Variants in MMS22L observed in about 807,000 individuals in gnomAD.
MMS22L encodes the protein protein MMS22-like.
Under a neutral mutation model 159.1 loss-of-function variants are expected in MMS22L, and 74 were observed. The observed-to-expected ratio is 0.47, with a 90% CI of 0.39 to 0.56. The LOEUF is 0.56. MMS22L is among the 20% of genes least tolerant of loss of function. The probability of loss-of-function intolerance (pLI) is 0.00; values close to 1 mark genes in which losing one functional copy is unlikely to be tolerated. For synonymous variants in MMS22L, 517 were observed against 506.9 expected (o/e 1.02, Z -0.27); for missense variants, 1,351 against 1,422.1 (o/e 0.95, Z 0.80).
chr6:97,198,064 T>C (rs751422453), intron 14 of MMS22L, among the ~76,000 whole-genome samples: 4 of 152,162 alleles, frequency 2.6e-5, no homozygotes, highest in Non-Finnish European at 4.4e-5. Context: ...GACATGACAT[T>C]ATGTGGCTAT....
rs145684370 is a variant in MMS22L, at chr6:97,252,632, G to A, written c.1119+1925C>T. ...TATACTCCAGCCTGGGTGACAGAGT[G>A]AGACTCCATCTCAAAAAAAAAAAAA... On this transcript the variant is annotated intron_variant, in intron 10 of 24. Coordinates refer to ENST00000683635, the MANE Select transcript of MMS22L (RefSeq NM_001350599.2). Among the ~76,000 whole-genome samples, 725 of 147,166 alleles carry A rather than the reference G, an allele frequency of 4.9e-3. 6 individuals are homozygous for A. The highest frequency in any genetic ancestry group is 0.017 in the African/African-American group (678 of 39,810).
Position 97,269,510 on chromosome 6 carries a change from C to A in MMS22L, c.697+392G>T, listed in dbSNP as rs753221733. ...AGTAACTTCAATGTTTAAAAATAGG[C>A]ATGGCTAAATATAGTAGAACCATAA... On this transcript the variant is annotated intron_variant, in intron 7 of 24. Transcript: ENST00000683635. 3.8e-4 allele frequency among the ~76,000 whole-genome samples: 58 copies of A among 152,182 alleles called. 1 individual carries two copies. In the Middle Eastern group the frequency reaches 0.017, roughly 45 times the overall value.
At chr6:97,279,878 T>C (rs980929496) in intron 3 of MMS22L, among the ~76,000 whole-genome samples, 4 of 152,020 alleles carry the variant, frequency 2.6e-5, no homozygotes, top group Admixed American at 1.3e-4. Flanking sequence ...AGTTATACAA[T>C]AGAAGTTCAA....
At chr6:97,277,417 A>AAAT (rs1024262172) in intron 4 of MMS22L, among the ~76,000 whole-genome samples, 3 of 151,970 alleles carry the variant, frequency 2.0e-5, no homozygotes, top group African/African-American at 7.3e-5. Context: ...CCATCTCAAA[A>AAAT]AATAATAATA....
At chr6:97,195,771 C>G (rs17057497) in intron 14 of MMS22L, among the ~76,000 whole-genome samples, 4,126 of 152,160 alleles carry the variant, frequency 0.027, 339 homozygotes, top group East Asian at 0.25. Flanking sequence ...TAATGGCAAA[C>G]AGAATGGGTC....
intron 14 of MMS22L, among the ~76,000 whole-genome samples, chr6:97,215,114 A>ATATATATATATATATATTTT (rs1209431095): frequency 1.1e-5 from 1 of 87,190 alleles, no homozygotes; most frequent in African/African-American, 3.5e-5. Flanking sequence ...ATATATATAT[A>ATATATATATATATATATTTT]TTTTTTTTTT....
intron 8 of MMS22L, chr6:97,267,021 A>G (rs1815194157): frequency 6.6e-6 from 1 of 152,190 alleles, no homozygotes; most frequent in Admixed American, 6.5e-5. Flanking sequence ...GAGATAATAC[A>G]TATGCTAATT....
intron 14 of MMS22L, among the ~76,000 whole-genome samples, chr6:97,219,825 A>G (rs564515887): frequency 6.6e-6 from 1 of 152,326 alleles, no homozygotes; most frequent in Admixed American, 6.5e-5. Flanking sequence ...TGCCTGGAAT[A>G]CTGGCTCCTC....
rs1182902833 is a variant in MMS22L at position 97,254,664 on chromosome 6, A to G, written c.1012T>C (p.Ser338Pro). 6.2e-7 allele frequency: 1 copy of G among 1,613,078 alleles called. No homozygotes were observed. Among genetic ancestry groups the G allele is most frequent in the Admixed American group, 1.7e-5 (1 of 59,834 alleles). Reference protein sequence around the residue: ...LEKSSDRRRSSMPVIQSRDPL... With the variant: ...LEKSSDRRRSPMPVIQSRDPL... ...TCCCTGGACTGGATTACAGGCATAG[A>G]GGATCTTCTTCGGTCACTTGATTTT... Residue 338 changes from serine (S) to proline (P), a missense_variant, in exon 10 of 25, where the codon TCT (serine) becomes CCT (proline). By Grantham distance (74) the Ser-to-Pro change is moderately conservative. Coordinates refer to ENST00000683635, the MANE Select transcript of MMS22L (RefSeq NM_001350599.2).
chr6:97,245,850 G>GACACAGAC (rs1812562199), intron 11 of MMS22L: 1 of 116,296 alleles, frequency 8.6e-6, no homozygotes, highest in African/African-American at 3.1e-5. Flanking sequence ...AGCTACTACA[G>GACACAGAC]ACACACACAC....
At chr6:97,247,905 G>C (rs1378416013) in intron 10 of MMS22L, among the ~76,000 whole-genome samples, 1 of 152,082 alleles carries the variant, frequency 6.6e-6, no homozygotes, top group Non-Finnish European at 1.5e-5. Flanking sequence ...AAATGGCTAG[G>C]CAATATTCAT....
At chr6:97,237,602 C>T (rs572565799) in intron 11 of MMS22L, among the ~76,000 whole-genome samples, 10 of 152,120 alleles carry the variant, frequency 6.6e-5, no homozygotes, top group East Asian at 1.9e-4. Context: ...ATGGTATATA[C>T]GCCACGGTGC....
intron 3 of MMS22L, among the ~76,000 whole-genome samples, chr6:97,280,575 A>C (rs1025999812): frequency 2.0e-5 from 3 of 152,044 alleles, no homozygotes; most frequent in African/African-American, 7.3e-5. Context: ...CGGCCTCCCA[A>C]AGTGCTGGGA....
At chr6:97,183,393 T>C (rs934447383) in intron 15 of MMS22L, among the ~76,000 whole-genome samples, 4 of 152,120 alleles carry the variant, frequency 2.6e-5, no homozygotes, top group Non-Finnish European at 5.9e-5. Context: ...ACTCTTGGCC[T>C]TTTCCCCACA....
intron 14 of MMS22L, among the ~76,000 whole-genome samples, chr6:97,187,907 G>C (rs1805421990): frequency 6.6e-6 from 1 of 152,070 alleles, no homozygotes; most frequent in South Asian, 2.1e-4. Flanking sequence ...CTTTACATTG[G>C]AATTCCTGGA....
intron 22 of MMS22L, among the ~76,000 whole-genome samples, chr6:97,156,644 G>A (rs754077934): frequency 2.6e-5 from 4 of 152,118 alleles, no homozygotes; most frequent in Admixed American, 1.3e-4. Context: ...TGTTATTTCT[G>A]AGGCCTCTGC....
chr6:97,209,738 C>A (rs1808171224), intron 14 of MMS22L, among the ~76,000 whole-genome samples: 1 of 151,912 alleles, frequency 6.6e-6, no homozygotes, highest in Non-Finnish European at 1.5e-5. Context: ...TAATACATAT[C>A]TAAAAATCAC....
In MMS22L at chr6:97,180,298, T is replaced by G. The variant is rs148975739; in HGVS notation, c.2385-739A>C. Among the ~76,000 whole-genome samples, 11 of 152,224 alleles carry G rather than the reference T, an allele frequency of 7.2e-5. No individual in the cohort carries two copies. The East Asian group carries it at 2.1e-3, about 29-fold the overall frequency. Reference sequence around the variant, plus strand: ...TTGTATTTTTAGTAGAGACAGCGTTTCACCGTGTTAGCCAGGATGGTCTCG... The same window carrying G: ...TTGTATTTTTAGTAGAGACAGCGTTGCACCGTGTTAGCCAGGATGGTCTCG... On this transcript the variant is annotated intron_variant, in intron 16 of 24. Transcript: ENST00000683635.
At chr6:97,267,048 T>C (rs1241916446) in intron 8 of MMS22L, 1 of 152,324 alleles carries the variant, frequency 6.6e-6, no homozygotes, top group Middle Eastern at 3.4e-3. Context: ...ATTTAGCCAT[T>C]CTACACTGTA....
Sources: allele counts gnomAD v4.1 joint callset (sites outside exome capture counted in the v4.1 genomes callset), GRCh38; gene constraint gnomAD v4.1.1; transcripts MANE v1.5; gene names NCBI Gene and HGNC (gene_info 2026-07-23, HGNC 2026-07-21).